Variants in AFF4 observed in about 807,000 individuals in gnomAD.
AFF4 encodes the protein ALF transcription elongation factor 4.
AFF4 carries 13 observed loss-of-function variants against 124.8 expected under a neutral mutation model. That is an observed-to-expected ratio of 0.10 (90% confidence interval 0.07 to 0.17). AFF4 has a LOEUF of 0.17. Ranked by LOEUF, AFF4 falls within the 10% of genes least tolerant of loss-of-function variation. The pLI, the probability that AFF4 is intolerant of heterozygous loss-of-function variation, is 1.00. For synonymous variants in AFF4, 477 were observed against 496.1 expected (o/e 0.96, Z 0.51); for missense variants, 1,092 against 1,403.8 (o/e 0.78, Z 3.55).
chr5:132,903,969 T>C (rs570172666), intron 6 of AFF4: 1 of 160,118 alleles, frequency 6.2e-6, no homozygotes, highest in Admixed American at 6.2e-5. Context: ...TCATAAAAAT[T>C]AGGATACGAG....
At chr5:132,912,478 G>T (rs60042606) in intron 5 of AFF4, among the ~76,000 whole-genome samples, 17,524 of 151,790 alleles carry the variant, frequency 0.12, 1,281 homozygotes, top group South Asian at 0.2. Context: ...TTCCCACCTC[G>T]GCCTCCTGAG....
chr5:132,945,301 G>GGA (rs1561509191), intron 1 of AFF4: 2 of 152,186 alleles, frequency 1.3e-5, no homozygotes, highest in Admixed American at 1.3e-4. Flanking sequence ...CCAAGAATCT[G>GGA]TCTCAGAATT....
At chr5:132,957,879 A>G (rs1033317103) in intron 1 of AFF4, among the ~76,000 whole-genome samples, 1 of 152,222 alleles carries the variant, frequency 6.6e-6, no homozygotes, top group Admixed American at 6.6e-5. Flanking sequence ...CTTCTTCAAC[A>G]AACCAATTGT....
rs774751013 is a variant in AFF4 at position 132,898,244 on chromosome 5, T to G, written c.1375A>C (p.Ser459Arg). Residue 459 changes from serine to arginine, a missense_variant, in exon 10 of 21, where the codon AGT (serine) becomes CGT (arginine). Ser to Arg is a moderately radical substitution (Grantham distance 110). This residue lies in a region of AFF4 where 18 missense variants were observed against 16.7 expected (regional missense o/e 1.08). Coordinates refer to ENST00000265343, the MANE Select transcript of AFF4 (RefSeq NM_014423.4). ...SDSEANEPSQ[S>R]ASPEPEPPPT... is the part of the protein sequence containing the mutation. ...CTCTGTCTCACCTCGGGAGATGCAC[T>G]CTGGGATGGCTCATTTGCCTCACTG... 11 of 1,614,084 alleles carry G rather than the reference T, an allele frequency of 6.8e-6. No homozygotes were observed. The highest frequency in any genetic ancestry group is 5.9e-6 in the Non-Finnish European group (7 of 1,180,030).
intron 1 of AFF4, among the ~76,000 whole-genome samples, chr5:132,952,831 G>C (rs1310622190): frequency 6.6e-6 from 1 of 152,170 alleles, no homozygotes; most frequent in Non-Finnish European, 1.5e-5. Context: ...CTGGGAGGCA[G>C]AGGTTGCAAT....
chr5:132,959,827 C>T (rs928432496), intron 1 of AFF4, among the ~76,000 whole-genome samples: 1 of 126,674 alleles, frequency 7.9e-6, no homozygotes, highest in South Asian at 2.4e-4. Flanking sequence ...TGCAGTGGTG[C>T]GATCTCGACT....
rs1432945592 is a variant in AFF4, at chr5:132,879,318, C to G, written c.*1741G>C. ...GAAACTTTTCTATCCCTTCTTTCCCCTTTCCTATTTCAAGCCTTAGCAATC... is the reference window on the plus strand; with the variant it reads ...GAAACTTTTCTATCCCTTCTTTCCCGTTTCCTATTTCAAGCCTTAGCAATC... On this transcript the variant is annotated 3_prime_UTR_variant, in exon 21 of 21. Coordinates refer to ENST00000265343, the MANE Select transcript of AFF4 (RefSeq NM_014423.4). The G allele has an allele frequency of 4.7e-6, 1 of 214,874 alleles. No homozygotes were observed. Among genetic ancestry groups the G allele is most frequent in the Non-Finnish European group, 9.4e-6 (1 of 106,300 alleles). 13.3% of individuals were successfully genotyped at this position (214,874 alleles called of 1,614,324 possible). A position where few individuals can be genotyped will look rare whatever the true frequency, so the allele number is the denominator to read the frequency against.
intron 20 of AFF4, among the ~76,000 whole-genome samples, chr5:132,882,127 C>G (rs1003670206): frequency 6.6e-6 from 1 of 150,998 alleles, no homozygotes; most frequent in African/African-American, 2.4e-5. Flanking sequence ...GCACGAGGAT[C>G]ACTTGAGCCC....
At position 132,880,980 on chromosome 5, in the gene AFF4, T is replaced by G; in HGVS notation, c.*79A>C. Reference sequence around the variant, plus strand: ...TTCCTCATTCTTAGTGTCGACTAGGTGGTATGTTATGGCAGTTTTCCTTCG... The same window carrying G: ...TTCCTCATTCTTAGTGTCGACTAGGGGGTATGTTATGGCAGTTTTCCTTCG... On this transcript the variant is annotated 3_prime_UTR_variant, in exon 21 of 21. Transcript: ENST00000265343. 1.3e-6 allele frequency: 2 copies of G among 1,517,754 alleles called. No individual in the cohort carries two copies. Among genetic ancestry groups the G allele is most frequent in the South Asian group, 1.3e-5 (1 of 78,580 alleles). The allele number at this position is 1,517,754 out of a possible 1,614,324, so 94.0% of individuals were successfully genotyped here.
In AFF4 at chr5:132,893,099, G is replaced by A; in HGVS notation, c.2327C>T (p.Ala776Val). The A allele has an allele frequency of 6.2e-7, 1 of 1,613,982 alleles. No individual in the cohort carries two copies. Among genetic ancestry groups the A allele is most frequent in the South Asian group, 1.1e-5 (1 of 91,074 alleles). ...CGTTTTGGGTTTCTTGCTCTCACTG[G>A]CTCGGTTATCATCTTCATTCTAGAT... ...RKHKNEDDNRASESKKPKTED... is the reference protein window; with the variant it reads ...RKHKNEDDNRVSESKKPKTED... The change falls in exon 12 of 21, where the codon GCC (alanine) becomes GTC (valine). Residue 776 changes from alanine (A) to valine (V), a missense_variant. This residue lies in a region of AFF4 where 293 missense variants were observed against 280.2 expected (regional missense o/e 1.05). Coordinates refer to ENST00000265343, the MANE Select transcript of AFF4 (RefSeq NM_014423.4).
In AFF4 at chr5:132,934,665, G is replaced by GGCT. The variant is rs1219668523; in HGVS notation, c.397_399dup (p.Ser133dup). On this transcript the variant is annotated inframe_insertion, in exon 3 of 21. Coordinates refer to ENST00000265343, the MANE Select transcript of AFF4 (RefSeq NM_014423.4). ...CTACTGCTACCTGCGCTGGTCCGCT[G>GGCT]GCTACTATGTCCACTCTGTAAGCCT... The GGCT allele has an allele frequency of 2.5e-6, 4 of 1,613,948 alleles. No homozygotes were observed. Among genetic ancestry groups the GGCT allele is most frequent in the Non-Finnish European group, 3.4e-6 (4 of 1,180,020 alleles).
intron 5 of AFF4, among the ~76,000 whole-genome samples, chr5:132,908,757 CATATATAT>C (rs1206698351): frequency 2.2e-5 from 3 of 136,166 alleles, no homozygotes; most frequent in South Asian, 2.2e-4. Context: ...TATATATATA[CATATATAT>C]ATATATATAT....
In AFF4 at chr5:132,896,613, T is replaced by C; in HGVS notation, c.2017A>G (p.Arg673Gly). The C allele has an allele frequency of 6.2e-7, 1 of 1,614,140 alleles. No individual in the cohort carries two copies. The highest frequency in any genetic ancestry group is 8.5e-7 in the Non-Finnish European group (1 of 1,180,028). ...SQTPKYPESN[R>G]TPVKPSSVEE... ...ACTGAGGAGGGTTTAACAGGAGTCC[T>C]ATTGCTCTCGGGGTACTTAGGAGTT... is the stretch of plus-strand genomic sequence containing the variant. Residue 673 changes from arginine to glycine, a missense_variant, in exon 11 of 21, where the codon AGG (arginine) becomes GGG (glycine). Arg to Gly is a moderately radical substitution (Grantham distance 125). Around this residue, in one of 11 missense-constraint regions of AFF4, gnomAD observed 293 missense variants for 280.2 expected, o/e 1.05. Coordinates refer to ENST00000265343, the MANE Select transcript of AFF4 (RefSeq NM_014423.4).
At position 132,896,898 on chromosome 5, in the gene AFF4, G is replaced by C. The variant is rs1408248889; in HGVS notation, c.1732C>G (p.Pro578Ala). The C allele has an allele frequency of 1.2e-6, 2 of 1,614,164 alleles. No individual in the cohort carries two copies. Among genetic ancestry groups the C allele is most frequent in the Non-Finnish European group, 1.7e-6 (2 of 1,180,038 alleles). Residue 578 changes from proline to alanine, a missense_variant, in exon 11 of 21, where the codon CCT becomes GCT. Physicochemically the swap from Pro to Ala is conservative, Grantham distance 27 (BLOSUM62 -1). Coordinates refer to ENST00000265343, the MANE Select transcript of AFF4 (RefSeq NM_014423.4). The part of the protein sequence containing the change: ...KKAEKAAAEE[P>A]RGGLKIESET... ...CTTTCTATCTTCAGGCCTCCACGAG[G>C]CTCTTCAGCAGCTGCCTTCTCAGCC...
chr5:132,886,176 TTATTTGAAAAG>T, intron 18 of AFF4, 123 bp downstream of exon 18: 2 of 730,156 alleles, frequency 2.7e-6, no homozygotes, highest in South Asian at 3.7e-5. Context: ...AACCTCAAAC[TTATTTGAAAAG>T]TCCCAAACAG....
chr5:132,915,565 T>TG (rs1561493301), intron 5 of AFF4, among the ~76,000 whole-genome samples: 1 of 126,468 alleles, frequency 7.9e-6, no homozygotes, highest in African/African-American at 2.9e-5. Flanking sequence ...TTCTTTTTTT[T>TG]GGGTTTTTTT....
intron 4 of AFF4, among the ~76,000 whole-genome samples, chr5:132,931,539 AACT>A (rs1460684457): frequency 1.3e-5 from 2 of 152,382 alleles, no homozygotes; most frequent in African/African-American, 4.8e-5. Context: ...TTTGACTGAT[AACT>A]ACTGAGTTTT....
chr5:132,918,836 G>A (rs970403201), intron 5 of AFF4, among the ~76,000 whole-genome samples: 1 of 150,976 alleles, frequency 6.6e-6, no homozygotes, highest in Non-Finnish European at 1.5e-5. Flanking sequence ...CACAATCCCT[G>A]TCAAAATCCC....
intron 20 of AFF4, among the ~76,000 whole-genome samples, chr5:132,882,841 C>T (rs1296599852): frequency 1.6e-5 from 2 of 124,700 alleles, no homozygotes; most frequent in Non-Finnish European, 3.3e-5. Context: ...GCAACAAAAG[C>T]GAAACTCCAT....
Sources: allele counts gnomAD v4.1 joint callset (sites outside exome capture counted in the v4.1 genomes callset), GRCh38; gene constraint gnomAD v4.1.1; regional missense constraint gnomAD v4.1.1; transcripts MANE v1.5; gene names NCBI Gene and HGNC (gene_info 2026-07-23, HGNC 2026-07-21).